The following KDM6A variants were observed in gnomAD, a reference collection of about 807,000 sequenced individuals.
The protein encoded by KDM6A is lysine-specific demethylase 6A.
A neutral mutation model predicts 117.6 loss-of-function variants in KDM6A; 11 were observed. The observed-to-expected ratio is 0.09, with a 90% CI of 0.06 to 0.15. The LOEUF is 0.15. Among genes scored for constraint, KDM6A ranks in the 10% least tolerant of loss-of-function variants. KDM6A has a pLI of 1.00. For missense variants in KDM6A, 799 were observed against 1,077.3 expected (o/e 0.74, Z 3.62); for synonymous variants, 384 against 396.1 (o/e 0.97, Z 0.36).
At chrX:45,079,536 T>TGTAC (rs1202308954) in intron 21 of KDM6A, among the ~76,000 whole-genome samples, 185 bp downstream of exon 21, 1 of 108,677 alleles carries the variant, frequency 9.2e-6, no homozygotes, top group Non-Finnish European at 1.9e-5. Context: ...TATGTATGTA[T>TGTAC]GTATGTACGT....
At chrX:45,030,346 A>G (rs1333253826) in intron 6 of KDM6A, among the ~76,000 whole-genome samples, 1 of 87,928 alleles carries the variant, frequency 1.1e-5, no homozygotes, top group Non-Finnish European at 2.1e-5. Context: ...CCGGCTGGTA[A>G]ACTTCAAAAA....
At chrX:45,016,493 GTATGTATT>G (rs1322699061) in intron 5 of KDM6A, among the ~76,000 whole-genome samples, 3 of 95,624 alleles carry the variant, frequency 3.1e-5, no homozygotes, top group African/African-American at 1.4e-4. Flanking sequence ...ATGTATGTAT[GTATGTATT>G]TGTTTATTTA....
At chrX:44,974,536 G>A (rs1232540886) in intron 3 of KDM6A, 130 bp from the exon 4 acceptor site, 1 of 503,448 alleles carries the variant, frequency 2.0e-6, no homozygotes, top group Non-Finnish European at 3.5e-6. Context: ...AGAATTTTAA[G>A]TTGTTTGGTC....
intron 4 of KDM6A, among the ~76,000 whole-genome samples, chrX:44,987,318 G>A (rs1415606168): frequency 3.6e-5 from 4 of 111,079 alleles, no homozygotes; most frequent in Non-Finnish European, 7.5e-5. Flanking sequence ...CATGAGATGG[G>A]TTTCCTGAAT....
At chrX:45,004,029 A>G (rs2041305560) in intron 4 of KDM6A, among the ~76,000 whole-genome samples, 1 of 109,738 alleles carries the variant, frequency 9.1e-6, no homozygotes, top group Non-Finnish European at 1.9e-5. Context: ...GACTCAAGAT[A>G]AAAGAGACAG....
chrX:44,914,189 C>T (rs973632163), intron 2 of KDM6A, among the ~76,000 whole-genome samples: 3 of 111,764 alleles, frequency 2.7e-5, no homozygotes, highest in Non-Finnish European at 5.6e-5. Flanking sequence ...AACTTTATTC[C>T]CAACACTAGT....
intron 5 of KDM6A, among the ~76,000 whole-genome samples, chrX:45,012,836 T>C (rs777964066): frequency 8.9e-6 from 1 of 111,827 alleles, no homozygotes; most frequent in African/African-American, 3.2e-5. Flanking sequence ...TGTGTGTATA[T>C]AGTGTATTAT....
At chrX:45,093,832 TTG>T (rs950350343) in intron 27 of KDM6A, among the ~76,000 whole-genome samples, 23 of 111,400 alleles carry the variant, frequency 2.1e-4, no homozygotes, top group African/African-American at 6.9e-4. Context: ...CACACAAAAT[TTG>T]TGTGTTTTTC....
chrX:45,047,674 C>CTTTTTTTTTTTTTTTTTTTTTT lies in KDM6A; in HGVS notation c.655-4027_655-4006dup, dbSNP rs78749806. The stretch of plus-strand genomic sequence containing the variant: ...TCAAATATCTGCTTGCTTTTTTTTT[C>CTTTTTTTTTTTTTTTTTTTTTT]TTTTTTTTTTTTTTTTTTTTTTTTT... On this transcript the variant is annotated intron_variant, in intron 8 of 29. Transcript: ENST00000611820. 1.1e-4 allele frequency among the ~76,000 whole-genome samples: 4 copies of CTTTTTTTTTTTTTTTTTTTTTT among 36,357 alleles called. 2 individuals carry two copies. The highest frequency in any genetic ancestry group is 9.4e-4 in the Admixed American group (2 of 2,131). 31.6% of individuals were successfully genotyped at this position (36,357 alleles called of 115,157 possible). A position where few individuals can be genotyped will look rare whatever the true frequency, so the allele number is the denominator to read the frequency against.
At chrX:45,007,705 G>T (rs927662181) in intron 4 of KDM6A, among the ~76,000 whole-genome samples, 1 of 111,804 alleles carries the variant, frequency 8.9e-6, no homozygotes, top group African/African-American at 3.3e-5. Flanking sequence ...TGCCTTTATG[G>T]CATTTTTATT....
chrX:45,004,417 G>A (rs2041327250), intron 4 of KDM6A, among the ~76,000 whole-genome samples: 1 of 111,331 alleles, frequency 9.0e-6, no homozygotes, highest in Non-Finnish European at 1.9e-5. Flanking sequence ...TACTTTCTGA[G>A]CTTCCCTGAG....
chrX:45,020,901 A>G (rs2042147628), intron 6 of KDM6A, among the ~76,000 whole-genome samples, 171 bp downstream of exon 6: 1 of 112,048 alleles, frequency 8.9e-6, no homozygotes, highest in African/African-American at 3.2e-5. Flanking sequence ...GTAGAGTTTC[A>G]AGGTACAAAG....
chrX:45,070,290 C>G lies in KDM6A; in HGVS notation c.2791C>G (p.Pro931Ala). The G allele has an allele frequency of 8.3e-7, 1 of 1,210,183 alleles. No individual in the cohort carries two copies. Among genetic ancestry groups the G allele is most frequent in the Non-Finnish European group, 1.1e-6 (1 of 894,149 alleles). ...GCTTCTGGTTAACCACAAACCTAGT[C>G]CACAGATCATACCATCAATGTCTGT... is the stretch of plus-strand genomic sequence containing the variant. Reference protein sequence around the residue: ...DLLLVNHKPSPQIIPSMSVSI... With the variant: ...DLLLVNHKPSAQIIPSMSVSI... Residue 931 changes from proline to alanine, a missense_variant, in exon 18 of 30, where the codon CCA becomes GCA. Physicochemically the swap from Pro to Ala is conservative, Grantham distance 27. This residue lies in a region of KDM6A where 291 missense variants were observed against 437.9 expected (regional missense o/e 0.66). Coordinates refer to ENST00000611820, the MANE Select transcript of KDM6A (RefSeq NM_001291415.2).
chrX:45,024,657 C>T (rs1430170588), intron 6 of KDM6A, among the ~76,000 whole-genome samples: 1 of 110,038 alleles, frequency 9.1e-6, no homozygotes, highest in Non-Finnish European at 1.9e-5. Flanking sequence ...TAGGTCCCAT[C>T]TACTTATCTT....
At chrX:45,078,985 C>G (rs1415637769) in intron 20 of KDM6A, among the ~76,000 whole-genome samples, 161 bp from the exon 21 acceptor site, 1 of 110,049 alleles carries the variant, frequency 9.1e-6, no homozygotes, top group Non-Finnish European at 1.9e-5. Flanking sequence ...GTTCTGCAAA[C>G]TTGGCACATA....
intron 4 of KDM6A, among the ~76,000 whole-genome samples, chrX:45,000,386 G>C (rs567835787): frequency 8.9e-6 from 1 of 111,945 alleles, no homozygotes; most frequent in Admixed American, 9.5e-5. Context: ...CCCATAAGGG[G>C]CTTCTCTCAC....
chrX:44,902,434 G>A (rs767990756), intron 2 of KDM6A, among the ~76,000 whole-genome samples: 2 of 106,944 alleles, frequency 1.9e-5, no homozygotes, highest in East Asian at 6.0e-4. Context: ...CTGTCGCCCA[G>A]GCTGGAGTGC....
In KDM6A at chrX:45,061,578, G is replaced by A. The variant is rs781163349; in HGVS notation, c.1581+159G>A. 2.5e-4 allele frequency among the ~76,000 whole-genome samples: 24 copies of A among 94,293 alleles called. No homozygotes were observed. The South Asian group carries it at 5.5e-3, about 22-fold the overall frequency. 81.9% of individuals were successfully genotyped at this position (94,293 alleles called of 115,157 possible). A position where few individuals can be genotyped will look rare whatever the true frequency, so the allele number is the denominator to read the frequency against. ...ACGCTCTTGGCTCACTGCAACCTCCGCGTCCTGTGTTAAAGTTATTCTTGT... is the reference window on the plus strand; with the variant it reads ...ACGCTCTTGGCTCACTGCAACCTCCACGTCCTGTGTTAAAGTTATTCTTGT... On this transcript the variant is annotated intron_variant, in intron 15 of 29. Coordinates refer to ENST00000611820, the MANE Select transcript of KDM6A (RefSeq NM_001291415.2).
In KDM6A at chrX:44,983,304, G is replaced by A. The variant is rs187278800; in HGVS notation, c.384+8589G>A. Among the ~76,000 whole-genome samples the A allele has an allele frequency of 4.6e-3, 515 of 111,541 alleles. 5 individuals carry two copies. The South Asian group carries it at 0.06, about 13-fold the overall frequency. The stretch of plus-strand genomic sequence containing the variant: ...ATCTGTGCTCATTTTCTGACTTTCC[G>A]GTGGCTTTTTCAGTTATACAGTTTA... On this transcript the variant is annotated intron_variant, in intron 4 of 29. Coordinates refer to ENST00000611820, the MANE Select transcript of KDM6A (RefSeq NM_001291415.2).
Sources: allele counts gnomAD v4.1 joint callset (sites outside exome capture counted in the v4.1 genomes callset), GRCh38; gene constraint gnomAD v4.1.1; regional missense constraint gnomAD v4.1.1; transcripts MANE v1.5; gene names NCBI Gene and HGNC (gene_info 2026-07-23, HGNC 2026-07-21).